The following SPRY3 variants were observed in gnomAD, a reference collection of about 807,000 sequenced individuals.
The protein encoded by SPRY3 is protein sprouty homolog 3.
SPRY3 carries 15 observed loss-of-function variants against 20.2 expected under a neutral mutation model. The observed-to-expected ratio is 0.74, with a 90% CI of 0.50 to 1.14. SPRY3 has a LOEUF of 1.14. Among genes scored for constraint, SPRY3 ranks in the 50% most tolerant of loss-of-function variants. SPRY3 has a pLI of 0.00. For synonymous variants in SPRY3, 143 were observed against 136.5 expected, an observed-to-expected ratio of 1.05 and a Z score of -0.33; for missense variants, 364 against 363.9, an observed-to-expected ratio of 1.00 and a Z score of 0.00.
intron 2 of SPRY3, among the ~76,000 whole-genome samples, chrX:155,683,512 C>T (rs149957259): frequency 0.017 from 1,902 of 111,848 alleles, 10 homozygotes; most frequent in Middle Eastern, 0.028. Context: ...ACTTTTTAGA[C>T]GTAATTTTAC....
chrX:155,613,150 G>A (rs2067836913), intron 1 of SPRY3, among the ~76,000 whole-genome samples: 1 of 111,908 alleles, frequency 8.9e-6, no homozygotes. Flanking sequence ...TAAAACCTGG[G>A]TCCCCTGCCT....
intron 3 of SPRY3, among the ~76,000 whole-genome samples, chrX:155,768,674 G>C (rs183433050): frequency 8.5e-5 from 13 of 152,274 alleles, no homozygotes; most frequent in Admixed American, 5.9e-4. Flanking sequence ...CATTGAGTCA[G>C]AGCAGTGATT....
intron 2 of SPRY3, among the ~76,000 whole-genome samples, chrX:155,738,633 C>T (rs2091184446): frequency 6.6e-6 from 1 of 151,560 alleles, no homozygotes; most frequent in Non-Finnish European, 1.5e-5. Context: ...GACAGCCCCA[C>T]CCCCAGCCAA....
chrX:155,729,617 A>T (rs2091120439), intron 2 of SPRY3, among the ~76,000 whole-genome samples: 1 of 152,054 alleles, frequency 6.6e-6, no homozygotes, highest in African/African-American at 2.4e-5. Flanking sequence ...AAGAATAAAA[A>T]CTTCAAATAA....
rs1319425139 is a variant in SPRY3 at position 155,642,881 on chromosome X, T to C, written c.-440-13986T>C. 3.6e-5 allele frequency among the ~76,000 whole-genome samples: 4 copies of C among 112,285 alleles called. 1 individual carries two copies. Among genetic ancestry groups the C allele is most frequent in the African/African-American group, 1.3e-4 (4 of 30,928 alleles). On this transcript the variant is annotated intron_variant, in intron 1 of 3. Transcript: ENST00000675360. ...AATTTTTTGCATCTTTTAAGATTTATTTTGTGATCTAAGATATGGTTTATC... is the reference window on the plus strand; with the variant it reads ...AATTTTTTGCATCTTTTAAGATTTACTTTGTGATCTAAGATATGGTTTATC...
At chrX:155,728,624 G>A (rs1470851869) in intron 2 of SPRY3, among the ~76,000 whole-genome samples, 1 of 152,224 alleles carries the variant, frequency 6.6e-6, no homozygotes, top group African/African-American at 2.4e-5. Flanking sequence ...AGCCAGGTAT[G>A]GGAGAGAATC....
At chrX:155,719,280 G>A (rs1025701092) in intron 2 of SPRY3, among the ~76,000 whole-genome samples, 2 of 152,136 alleles carry the variant, frequency 1.3e-5, no homozygotes, top group African/African-American at 4.8e-5. Context: ...ACCAGCCCTG[G>A]CCAGAGGGAA....
chrX:155,750,927 C>T (rs191636756), intron 2 of SPRY3, among the ~76,000 whole-genome samples: 1 of 151,702 alleles, frequency 6.6e-6, no homozygotes, highest in East Asian at 1.9e-4. Context: ...TCAGAGGTGA[C>T]TATGATGAAT....
At chrX:155,747,563 G>A (rs968945243) in intron 2 of SPRY3, among the ~76,000 whole-genome samples, 1 of 151,896 alleles carries the variant, frequency 6.6e-6, no homozygotes. Context: ...GCCCTATGCA[G>A]TATCCCAAAT....
intron 2 of SPRY3, among the ~76,000 whole-genome samples, chrX:155,742,115 G>C (rs2091206706): frequency 6.6e-6 from 1 of 152,082 alleles, no homozygotes; most frequent in African/African-American, 2.4e-5. Context: ...CATGTACAAA[G>C]ACACATGTAG....
At chrX:155,741,461 T>C (rs1372188986) in intron 2 of SPRY3, among the ~76,000 whole-genome samples, 2 of 152,080 alleles carry the variant, frequency 1.3e-5, no homozygotes, top group Non-Finnish European at 2.9e-5. Context: ...TTCCCCAACC[T>C]AGCAAGACAG....
intron 1 of SPRY3, among the ~76,000 whole-genome samples, chrX:155,628,285 G>A (rs2067894531): frequency 9.0e-6 from 1 of 111,721 alleles, no homozygotes; most frequent in Non-Finnish European, 1.9e-5. Flanking sequence ...CAGTGTAAAA[G>A]TGTTCCTATT....
chrX:155,630,141 G>A (rs2067901386), intron 1 of SPRY3, among the ~76,000 whole-genome samples: 1 of 111,667 alleles, frequency 9.0e-6, no homozygotes, highest in South Asian at 3.7e-4. Context: ...CCCACATTTT[G>A]AATTTTTTGA....
At chrX:155,732,150 G>C (rs1311785092) in intron 2 of SPRY3, among the ~76,000 whole-genome samples, 1 of 152,012 alleles carries the variant, frequency 6.6e-6, no homozygotes, top group Non-Finnish European at 1.5e-5. Flanking sequence ...AGACGATTCT[G>C]ATGAGTCAGA....
At chrX:155,764,145 G>A (rs1973800896) in intron 2 of SPRY3, among the ~76,000 whole-genome samples, 1 of 152,138 alleles carries the variant, frequency 6.6e-6, no homozygotes, top group Admixed American at 6.5e-5. Context: ...ATGTCAGCAA[G>A]GTGCCTTAAA....
chrX:155,761,387 C>CT lies in SPRY3; in HGVS notation c.-281-6570dup, dbSNP rs1569397661. Among the ~76,000 whole-genome samples the CT allele has an allele frequency of 2.6e-5, 4 of 152,104 alleles. No individual in the cohort carries two copies. The South Asian group carries it at 6.2e-4, about 24-fold the overall frequency. The stretch of plus-strand genomic sequence containing the variant: ...AGATTCAAAAAAAACAGAATTTGTT[C>CT]TTTTTCATGGCTGCATAGTATTCCA... On this transcript the variant is annotated intron_variant, in intron 2 of 3. Transcript: ENST00000675360.
In SPRY3 at chrX:155,665,059, C is replaced by G. The variant is rs1412773423; in HGVS notation, c.-282+8034C>G. ...AAGAATTTCTATAAACAAAAAAAGACAAATAACCAAATCAAAAATATAGAT... is the reference window on the plus strand; with the variant it reads ...AAGAATTTCTATAAACAAAAAAAGAGAAATAACCAAATCAAAAATATAGAT... On this transcript the variant is annotated intron_variant, in intron 2 of 3. Transcript: ENST00000675360. Among the ~76,000 whole-genome samples, 3 of 109,972 alleles carry G rather than the reference C, an allele frequency of 2.7e-5. No individual in the cohort carries two copies. The East Asian group carries it at 8.5e-4, about 31-fold the overall frequency.
intron 1 of SPRY3, among the ~76,000 whole-genome samples, chrX:155,647,608 C>T (rs868948105): frequency 2.7e-5 from 3 of 111,307 alleles, no homozygotes; most frequent in Non-Finnish European, 3.8e-5. Context: ...CTTCCAGCTT[C>T]ATCCATGTCC....
At chrX:155,676,328 T>A (rs1271262836) in intron 2 of SPRY3, among the ~76,000 whole-genome samples, 1 of 111,618 alleles carries the variant, frequency 9.0e-6, no homozygotes, top group Non-Finnish European at 1.9e-5. Flanking sequence ...ACAAAGAAGA[T>A]GGTGGCAACA....
Sources: allele counts gnomAD v4.1 joint callset (sites outside exome capture counted in the v4.1 genomes callset), GRCh38; gene constraint gnomAD v4.1.1; transcripts MANE v1.5; gene names NCBI Gene and HGNC (gene_info 2026-07-23, HGNC 2026-07-21).